Variants in STXBP5L observed in about 807,000 individuals in gnomAD.
STXBP5L encodes syntaxin-binding protein 5-like.
Under a neutral mutation model 144.5 loss-of-function variants are expected in STXBP5L, and 65 were observed. The ratio of observed to expected loss-of-function variants is 0.45; its 90% CI spans 0.37 to 0.55. The LOEUF is 0.55. Among genes scored for constraint, STXBP5L ranks in the 20% least tolerant of loss-of-function variants. The pLI, the probability that STXBP5L is intolerant of heterozygous loss-of-function variation, is 0.00. For synonymous variants in STXBP5L, 505 were observed against 469.6 expected, an observed-to-expected ratio of 1.08 and a Z score of -0.97; for missense variants, 1,298 against 1,405.5, an observed-to-expected ratio of 0.92 and a Z score of 1.22.
intron 19 of STXBP5L, among the ~76,000 whole-genome samples, chr3:121,299,548 A>G (rs1281009813): frequency 6.6e-6 from 1 of 152,154 alleles, no homozygotes; most frequent in Non-Finnish European, 1.5e-5. Flanking sequence ...GTCACTAGAA[A>G]TGATCCAAAC....
chr3:120,921,976 GA>G (rs987197041), intron 2 of STXBP5L, among the ~76,000 whole-genome samples: 5 of 151,688 alleles, frequency 3.3e-5, no homozygotes, highest in African/African-American at 1.2e-4. Flanking sequence ...TAAATTTTAG[GA>G]TTTTTTTTTG....
intron 14 of STXBP5L, among the ~76,000 whole-genome samples, chr3:121,243,957 T>A (rs1202114377): frequency 6.6e-6 from 1 of 152,174 alleles, no homozygotes; most frequent in Non-Finnish European, 1.5e-5. Context: ...TTTCATATTT[T>A]ATTTTCACCT....
intron 20 of STXBP5L, among the ~76,000 whole-genome samples, chr3:121,333,499 A>G (rs1007318736): frequency 6.6e-6 from 1 of 152,032 alleles, no homozygotes; most frequent in East Asian, 1.9e-4. Flanking sequence ...ACCCCAAAGC[A>G]GAAGACAAGA....
At chr3:121,064,864 A>C (rs1441635741) in intron 5 of STXBP5L, among the ~76,000 whole-genome samples, 2 of 152,174 alleles carry the variant, frequency 1.3e-5, no homozygotes, top group African/African-American at 4.8e-5. Context: ...AGTACCAAAT[A>C]GGTAGTTTTT....
chr3:121,246,659 T>C (rs1283637042), intron 14 of STXBP5L, among the ~76,000 whole-genome samples: 1 of 152,148 alleles, frequency 6.6e-6, no homozygotes, highest in Non-Finnish European at 1.5e-5. Flanking sequence ...TCTTTATTTG[T>C]AACAGCCAAA....
intron 3 of STXBP5L, among the ~76,000 whole-genome samples, chr3:120,979,266 C>T (rs907712736): frequency 6.6e-6 from 1 of 152,222 alleles, no homozygotes; most frequent in Non-Finnish European, 1.5e-5. Flanking sequence ...TGCCCCTCCC[C>T]CAGCCTCACT....
intron 3 of STXBP5L, among the ~76,000 whole-genome samples, chr3:120,982,845 C>T (rs1941921078): frequency 6.6e-6 from 1 of 152,132 alleles, no homozygotes; most frequent in Non-Finnish European, 1.5e-5. Context: ...CCTAGATGGC[C>T]CCTTGGATGG....
intron 18 of STXBP5L, among the ~76,000 whole-genome samples, chr3:121,272,347 G>C (rs2050757180): frequency 6.6e-6 from 1 of 152,124 alleles, no homozygotes; most frequent in Non-Finnish European, 1.5e-5. Context: ...ATATCTTCTT[G>C]ATGGATTGAC....
chr3:121,162,549 CA>C (rs2046361445), intron 9 of STXBP5L, among the ~76,000 whole-genome samples: 1 of 152,102 alleles, frequency 6.6e-6, no homozygotes. Context: ...GCAATGGCAA[CA>C]AAAGGCAAAA....
intron 19 of STXBP5L, among the ~76,000 whole-genome samples, chr3:121,316,180 A>G (rs181020440): frequency 2.2e-3 from 336 of 152,266 alleles, no homozygotes; most frequent in African/African-American, 7.8e-3. Context: ...GTATTTAATG[A>G]TGATAATTAT....
chr3:121,304,310 A>T (rs538790056), intron 19 of STXBP5L, among the ~76,000 whole-genome samples: 1 of 152,304 alleles, frequency 6.6e-6, no homozygotes, highest in South Asian at 2.1e-4. Context: ...TCTCTTTTGT[A>T]ACTGACAGAA....
At chr3:121,266,119 C>T (rs2050556342) in intron 18 of STXBP5L, among the ~76,000 whole-genome samples, 4 of 152,136 alleles carry the variant, frequency 2.6e-5, no homozygotes, top group Admixed American at 2.0e-4. Context: ...TCCTCCTTAA[C>T]TCATTTTATG....
intron 3 of STXBP5L, among the ~76,000 whole-genome samples, chr3:120,955,503 T>C (rs1174674736): frequency 6.6e-6 from 1 of 152,082 alleles, no homozygotes; most frequent in East Asian, 1.9e-4. Flanking sequence ...ACTTTCTTCT[T>C]TTCTAATATG....
At chr3:121,188,543 G>A (rs1025469050) in intron 9 of STXBP5L, among the ~76,000 whole-genome samples, 2 of 150,432 alleles carry the variant, frequency 1.3e-5, no homozygotes, top group African/African-American at 2.4e-5. Context: ...GATGAACATC[G>A]ATGTGAAAAT....
intron 20 of STXBP5L, among the ~76,000 whole-genome samples, chr3:121,350,022 G>T: frequency 6.6e-6 from 1 of 152,052 alleles, no homozygotes; most frequent in Non-Finnish European, 1.5e-5. Context: ...TGGTTATTTT[G>T]CTTGTTAGTT....
At chr3:121,064,832 C>G (rs1364744718) in intron 5 of STXBP5L, among the ~76,000 whole-genome samples, 1 of 152,136 alleles carries the variant, frequency 6.6e-6, no homozygotes, top group Admixed American at 6.5e-5. Context: ...GGTATGGATC[C>G]TGTCGCCCAG....
At chr3:121,352,060 A>G (rs547465924) in intron 20 of STXBP5L, among the ~76,000 whole-genome samples, 1 of 152,252 alleles carries the variant, frequency 6.6e-6, no homozygotes, top group South Asian at 2.1e-4. Context: ...TTTTGGTACC[A>G]GTACCATGCT....
intron 9 of STXBP5L, among the ~76,000 whole-genome samples, chr3:121,202,936 GT>G (rs2048193939): frequency 6.6e-6 from 1 of 151,706 alleles, no homozygotes; most frequent in East Asian, 1.9e-4. Context: ...ATTTAGGAAA[GT>G]TTTCAACCAT....
intron 20 of STXBP5L, among the ~76,000 whole-genome samples, chr3:121,338,961 T>G (rs2044609546): frequency 6.6e-6 from 1 of 152,082 alleles, no homozygotes; most frequent in Admixed American, 6.6e-5. Flanking sequence ...AGCCAAATTC[T>G]ACCAGACATT....
Sources: allele counts gnomAD v4.1 joint callset (sites outside exome capture counted in the v4.1 genomes callset), GRCh38; gene constraint gnomAD v4.1.1; transcripts MANE v1.5; gene names NCBI Gene and HGNC (gene_info 2026-07-23, HGNC 2026-07-21).